Variants in LTK observed in about 807,000 individuals in gnomAD.
LTK encodes the protein leukocyte tyrosine kinase receptor.
In LTK, 117 loss-of-function variants were observed where a neutral mutation model predicts 101.5. That is an observed-to-expected ratio of 1.15 (90% CI 0.99 to 1.34). The LOEUF is 1.34. Among genes scored for constraint, LTK ranks in the 40% most tolerant of loss-of-function variants. LTK has a pLI of 0.00. For missense variants in LTK, 1,252 were observed against 1,164.7 expected (o/e 1.07, Z -1.09); for synonymous variants, 563 against 494.2 (o/e 1.14, Z -1.85).
Position 41,509,045 on chromosome 15 carries a change from A to G in LTK, c.1082T>C (p.Leu361Pro). 6.2e-7 allele frequency: 1 copy of G among 1,608,566 alleles called. No homozygotes were observed. The highest frequency in any genetic ancestry group is 8.5e-7 in the Non-Finnish European group (1 of 1,177,354). ...GGGGCCAATACCTGCCAGAGGCTGCAGGAAGAGCTCGCTGCTGGGGTGTAT... is the reference window on the plus strand; with the variant it reads ...GGGGCCAATACCTGCCAGAGGCTGCGGGAAGAGCTCGCTGCTGGGGTGTAT... The part of the protein sequence containing the change: ...SFIHPSSELF[L>P]QPLAVTENHG... The change falls in exon 8 of 20, where the codon CTG becomes CCG. Residue 361 changes from leucine to proline, a missense_variant. By Grantham distance (98) the Leu-to-Pro change is moderately conservative. Transcript: ENST00000263800.
At chr15:41,505,118 C>G in intron 15 of LTK, 54 bp from the exon 16 acceptor site, 1 of 1,585,078 alleles carries the variant, frequency 6.3e-7, no homozygotes, top group Non-Finnish European at 8.6e-7. Context: ...CTTGCTCTTC[C>G]TGATCTATTT....
In LTK at chr15:41,507,218, C is replaced by G. The variant is rs141709767; in HGVS notation, c.1418G>C (p.Arg473Pro). 4 of 1,613,576 alleles carry G rather than the reference C, an allele frequency of 2.5e-6. No individual in the cohort carries two copies. Among genetic ancestry groups the G allele is most frequent in the Non-Finnish European group, 2.5e-6 (3 of 1,179,890 alleles). Reference sequence around the variant, plus strand: ...GGGGGCTGTCCTGATGGCAGAGGTTCGAAGCTTGCTCAGCTCAAGCTCAGG... The same window carrying G: ...GGGGGCTGTCCTGATGGCAGAGGTTGGAAGCTTGCTCAGCTCAAGCTCAGG... ...PSPELELSKL[R>P]TSAIRTAPNP... The change falls in exon 11 of 20, where the codon CGA (arginine) becomes CCA (proline). Residue 473 changes from arginine to proline, a missense_variant. Physicochemically the swap from Arg to Pro is moderately radical, Grantham distance 103. Coordinates refer to ENST00000263800, the MANE Select transcript of LTK (RefSeq NM_002344.6).
rs759585294 is a variant in LTK at position 41,505,376 on chromosome 15, G to GGC, written c.1827+24_1827+25insGC. On this transcript the variant is annotated intron_variant, in intron 14 of 19. Coordinates refer to ENST00000263800, the MANE Select transcript of LTK (RefSeq NM_002344.6). ...ATGGACAGGGTCTTTAGAGGGGCCTGGGGGGGCTAAGACAAGGGTCTCACC... is the reference window on the plus strand; with the variant it reads ...ATGGACAGGGTCTTTAGAGGGGCCTGGCGGGGGGCTAAGACAAGGGTCTCACC... The GGC allele has an allele frequency of 4.6e-6, 7 of 1,526,180 alleles. No homozygotes were observed. The East Asian group carries it at 1.8e-4, about 38-fold the overall frequency. The allele number at this position is 1,526,180 out of a possible 1,614,324, so 94.5% of individuals were successfully genotyped here. A position where few individuals can be genotyped will look rare whatever the true frequency, so the allele number is the denominator to read the frequency against.
chr15:41,504,182 C>T lies in LTK; in HGVS notation c.2409G>A (p.Gly803=), dbSNP rs903614437. 1 of 1,613,510 alleles carries T rather than the reference C, an allele frequency of 6.2e-7. No individual in the cohort carries two copies. Among genetic ancestry groups the T allele is most frequent in the Non-Finnish European group, 8.5e-7 (1 of 1,179,758 alleles). Residue 803 remains glycine (G), a synonymous_variant, in exon 20 of 20, where the codon GGG becomes GGA. Coordinates refer to ENST00000263800, the MANE Select transcript of LTK (RefSeq NM_002344.6). ...MELGPTPEEE[G]TSGLGNRSLE... ...AAGATCTGTTCCCCAGCCCAGAAGT[C>T]CCTTCCTCCTCTGGGGTGGGCCCCA...
intron 8 of LTK, 149 bp downstream of exon 8, chr15:41,508,882 A>G: frequency 1.9e-6 from 1 of 514,634 alleles, no homozygotes; most frequent in Non-Finnish European, 3.4e-6. Flanking sequence ...ATGACAGCCC[A>G]CTTTTCAAAT....
At chr15:41,508,487 G>A (rs1281761371) in intron 8 of LTK, among the ~76,000 whole-genome samples, 1 of 152,002 alleles carries the variant, frequency 6.6e-6, no homozygotes, top group East Asian at 1.9e-4. Flanking sequence ...AACCCGGGAG[G>A]CGGAGGTTGC....
At position 41,512,878 on chromosome 15, in the gene LTK, C is replaced by A. The variant is rs377388642; in HGVS notation, c.188G>T (p.Gly63Val). 41 of 1,609,616 alleles carry A rather than the reference C, an allele frequency of 2.5e-5. No homozygotes were observed. Among genetic ancestry groups the A allele is most frequent in the Non-Finnish European group, 3.5e-5 (41 of 1,177,574 alleles). Reference sequence around the variant, plus strand: ...AGAAAACAGCCAAGACCCCTCGGTGCCTGAGAGCAAGGAGCGAGGCAAGGG... The same window carrying A: ...AGAAAACAGCCAAGACCCCTCGGTGACTGAGAGCAAGGAGCGAGGCAAGGG... ...LEPASPLNSPGTEGSWLFSTC... is the reference protein window; with the variant it reads ...LEPASPLNSPVTEGSWLFSTC... Residue 63 changes from glycine to valine, a missense_variant and splice_region_variant, in exon 3 of 20, where the codon GGC (glycine) becomes GTC (valine). Transcript: ENST00000263800.
chr15:41,508,964 C>T, intron 8 of LTK, 67 bp downstream of exon 8: 2 of 1,058,006 alleles, frequency 1.9e-6, no homozygotes, highest in Non-Finnish European at 2.8e-6. Flanking sequence ...CAGTGCAGTG[C>T]AGGAGTGGGC....
At position 41,505,411 on chromosome 15, in the gene LTK, C is replaced by T. The variant is rs141010188; in HGVS notation, c.1817G>A (p.Arg606Gln). ...AGACAAGGGTCTCACCAGGTGTGGCCGACTGTGCCTCAGGAAACTCTTCAT... is the reference window on the plus strand; with the variant it reads ...AGACAAGGGTCTCACCAGGTGTGGCTGACTGTGCCTCAGGAAACTCTTCAT... ...GDMKSFLRHS[R>Q]PHLGQPSPLV... The change falls in exon 14 of 20, where the codon CGG becomes CAG. Residue 606 changes from arginine (R) to glutamine (Q), a missense_variant. Transcript: ENST00000263800. The T allele has an allele frequency of 1.9e-4, 309 of 1,613,890 alleles. No homozygotes were observed. In the East Asian group the frequency reaches 3.5e-3, roughly 18 times the overall value.
chr15:41,510,029 CAG>C lies in LTK; in HGVS notation c.998-902_998-901del, dbSNP rs981892564. On this transcript the variant is annotated intron_variant, in intron 7 of 19. Transcript: ENST00000263800. ...AATTTTCTTTTCTTTTTTTTTGAGA[CAG>C]AGTCTTGCTCTGTCACCCAGGCTGG... Among the ~76,000 whole-genome samples the C allele has an allele frequency of 2.6e-5, 4 of 151,550 alleles. No homozygotes were observed. The South Asian group carries it at 6.3e-4, about 24-fold the overall frequency.
Position 41,512,137 on chromosome 15 carries a change from T to G in LTK, c.488A>C (p.Gln163Pro). The part of the protein sequence containing the change: ...GESLYILVGQ[Q>P]GEDACPGGSP... Reference sequence around the variant, plus strand: ...CACTCCGGGACAGGCGTCCTCTCCCTGCTGCCCCACCAGGATGTACAGCGA... The same window carrying G: ...CACTCCGGGACAGGCGTCCTCTCCCGGCTGCCCCACCAGGATGTACAGCGA... Residue 163 changes from glutamine to proline, a missense_variant, in exon 4 of 20, where the codon CAG becomes CCG. Physicochemically the swap from Gln to Pro is moderately conservative, Grantham distance 76. Coordinates refer to ENST00000263800, the MANE Select transcript of LTK (RefSeq NM_002344.6). 1 of 1,609,386 alleles carries G rather than the reference T, an allele frequency of 6.2e-7. No individual in the cohort carries two copies. Among genetic ancestry groups the G allele is most frequent in the Non-Finnish European group, 8.5e-7 (1 of 1,178,086 alleles).
At position 41,512,980 on chromosome 15, in the gene LTK, G is replaced by A; in HGVS notation, c.184C>T (p.Pro62Ser). Residue 62 changes from proline to serine, a missense_variant, in exon 2 of 20, where the codon CCG (proline) becomes TCG (serine). Pro to Ser is a moderately conservative substitution (Grantham distance 74). Coordinates refer to ENST00000263800, the MANE Select transcript of LTK (RefSeq NM_002344.6). ...ILEPASPLNS[P>S]GTEGSWLFST... ...GAAGGAGGCGTCTAAAGCTCACCCG[G>A]AGAATTCAGCGGGGAGGCTGGCTCC... is the stretch of plus-strand genomic sequence containing the variant. The A allele has an allele frequency of 1.2e-6, 2 of 1,613,712 alleles. No homozygotes were observed. Among genetic ancestry groups the A allele is most frequent in the Non-Finnish European group, 1.7e-6 (2 of 1,179,942 alleles).
chr15:41,504,215 T>G lies in LTK; in HGVS notation c.2376A>C (p.Pro792=). ...QDPDVLNSLL[P]MELGPTPEEE... Reference sequence around the variant, plus strand: ...CCTCTGGGGTGGGCCCCAGCTCCATTGGCAGGAGTGAATTCAGCACATCCG... The same window carrying G: ...CCTCTGGGGTGGGCCCCAGCTCCATGGGCAGGAGTGAATTCAGCACATCCG... The change falls in exon 20 of 20, where the codon CCA becomes CCC. Residue 792 remains proline, a synonymous_variant. Transcript: ENST00000263800. 1 of 1,610,624 alleles carries G rather than the reference T, an allele frequency of 6.2e-7. No individual in the cohort carries two copies. Among genetic ancestry groups the G allele is most frequent in the Non-Finnish European group, 8.5e-7 (1 of 1,177,692 alleles).
rs754634829 is a variant in LTK at position 41,512,746 on chromosome 15, C to T, written c.320G>A (p.Gly107Asp). ...VTVGAAGQLRGVQLWRVPGPG... is the reference protein window; with the variant it reads ...VTVGAAGQLRDVQLWRVPGPG... ...GCCCGGCACGCGCCACAGCTGCACGCCTCTCAGCTGCCCGGCGGCCCCCAC... is the reference window on the plus strand; with the variant it reads ...GCCCGGCACGCGCCACAGCTGCACGTCTCTCAGCTGCCCGGCGGCCCCCAC... Residue 107 changes from glycine (G) to aspartate (D), a missense_variant, in exon 3 of 20, where the codon GGC becomes GAC. Transcript: ENST00000263800. 1.9e-6 allele frequency: 3 copies of T among 1,608,386 alleles called. No homozygotes were observed. The highest frequency in any genetic ancestry group is 3.3e-5 in the Admixed American group (2 of 59,764).
At chr15:41,506,563 C>T (rs559236097) in intron 11 of LTK, among the ~76,000 whole-genome samples, 3 of 151,718 alleles carry the variant, frequency 2.0e-5, no homozygotes, top group East Asian at 3.9e-4. Context: ...CCTTGGCCTC[C>T]CAAAGTGCTG....
chr15:41,505,931 A>AG lies in LTK; in HGVS notation c.1615dup (p.Leu539ProfsTer17), dbSNP rs765293567. 1.9e-6 allele frequency: 3 copies of AG among 1,613,128 alleles called. No individual in the cohort carries two copies. Among genetic ancestry groups the AG allele is most frequent in the Non-Finnish European group, 2.5e-6 (3 of 1,179,144 alleles). ...TCCTCTCACCTTGATAGCTACCTGCAGGGGACTGGAGTCCCCAGGAAGGCC... is the reference window on the plus strand; with the variant it reads ...TCCTCTCACCTTGATAGCTACCTGCAGGGGGACTGGAGTCCCCAGGAAGGCC... On this transcript the variant is annotated frameshift_variant, in exon 12 of 20. Transcript: ENST00000263800. LOFTEE classifies it high-confidence loss of function.
intron 1 of LTK, among the ~76,000 whole-genome samples, chr15:41,513,363 A>G (rs2051557099): frequency 6.6e-6 from 1 of 152,168 alleles, no homozygotes; most frequent in Non-Finnish European, 1.5e-5. Flanking sequence ...TAGGGGCCGC[A>G]ATGAATTTGG....
intron 3 of LTK, 109 bp downstream of exon 3, chr15:41,512,598 C>T (rs1021386779): frequency 1.5e-6 from 2 of 1,350,468 alleles, no homozygotes; most frequent in Non-Finnish European, 2.0e-6. Context: ...TGGACCTCCC[C>T]GCGGAATAGT....
chr15:41,511,379 C>T lies in LTK; in HGVS notation c.815-33G>A. ...GCGACAGCAGGAAGGTTGGCAGCCA[C>T]ACGGGGAGCACGCCCGCCTCTCCCC... On this transcript the variant is annotated intron_variant, in intron 6 of 19. Coordinates refer to ENST00000263800, the MANE Select transcript of LTK (RefSeq NM_002344.6). This position sits in a 1 kb window ranked among gnomAD's most constrained non-coding sequence, Gnocchi z 5.9. The T allele has an allele frequency of 7.3e-7, 1 of 1,365,900 alleles. No homozygotes were observed. The highest frequency in any genetic ancestry group is 9.4e-7 in the Non-Finnish European group (1 of 1,068,050). 84.6% of individuals were successfully genotyped at this position (1,365,900 alleles called of 1,614,324 possible).
Sources: gnomAD v4.1 joint callset for allele counts (sites outside exome capture counted in the v4.1 genomes callset) on GRCh38, gnomAD v4.1.1 for gene constraint, Gnocchi (gnomAD v3.1) non-coding constraint, MANE v1.5 for transcripts, NCBI Gene and HGNC (gene_info 2026-07-23, HGNC 2026-07-21) for gene names.